The following SPICE1 variants were observed in gnomAD, a reference collection of about 807,000 sequenced individuals.
SPICE1 encodes the protein spindle and centriole associated protein 1.
Under a neutral mutation model 102.7 loss-of-function variants are expected in SPICE1, and 75 were observed. The ratio of observed to expected loss-of-function variants is 0.73; its 90% CI spans 0.61 to 0.88. The LOEUF is 0.88. Ranked by LOEUF, SPICE1 falls within the 40% of genes least tolerant of loss-of-function variation. SPICE1 has a pLI of 0.00. For synonymous variants in SPICE1, 308 were observed against 350.3 expected, an observed-to-expected ratio of 0.88 and a Z score of 1.35; for missense variants, 979 against 1,020.1, an observed-to-expected ratio of 0.96 and a Z score of 0.55.
chr3:113,469,156 A>G lies in SPICE1; in HGVS notation c.694T>C (p.Ser232Pro), dbSNP rs1168175376. The change falls in exon 8 of 18, where the codon TCA becomes CCA. Residue 232 changes from serine (S) to proline (P), a missense_variant. Coordinates refer to ENST00000295872, the MANE Select transcript of SPICE1 (RefSeq NM_144718.4). ...GGCGTTCCTGGAGGAGTTATTTGTG[A>G]CTGGGTTGCTATTTTCTGCTGAATG... ...TDIQQKIATQ[S>P]QITPPGTPSS... 6.2e-7 allele frequency: 1 copy of G among 1,613,538 alleles called. No individual in the cohort carries two copies. The highest frequency in any genetic ancestry group is 8.5e-7 in the Non-Finnish European group (1 of 1,179,720).
At position 113,506,566 on chromosome 3, in the gene SPICE1, C is replaced by T. The variant is rs775207102; in HGVS notation, c.40G>A (p.Gly14Ser). 3 of 1,613,010 alleles carry T rather than the reference C, an allele frequency of 1.9e-6. No individual in the cohort carries two copies. The highest frequency in any genetic ancestry group is 4.5e-5 in the East Asian group (2 of 44,874). ...VRVNRCGPRV[G>S]VRKTPKVKKK... The stretch of plus-strand genomic sequence containing the variant: ...TTTACTTTCGGTGTCTTTCTTACAC[C>T]AACTCGGGGACCACAGCGGTTCACT... Residue 14 changes from glycine to serine, a missense_variant, in exon 2 of 18, where the codon GGT becomes AGT. Transcript: ENST00000295872.
chr3:113,488,073 C>T (rs6438155), intron 7 of SPICE1, among the ~76,000 whole-genome samples: 152,335 of 152,340 alleles, frequency 1, 76,165 homozygotes, highest in Middle Eastern at 1. Context: ...TAAGTGATTA[C>T]GATTAGTTCT....
chr3:113,450,058 T>C (rs1448075937), intron 15 of SPICE1: 2 of 429,514 alleles, frequency 4.7e-6, no homozygotes, highest in Non-Finnish European at 8.5e-6. Flanking sequence ...AAGTGAACCG[T>C]ACACTATAAT....
Position 113,468,821 on chromosome 3 carries a change from G to A in SPICE1, c.830C>T (p.Ser277Leu). The change falls in exon 9 of 18, where the codon TCA becomes TTA. Residue 277 changes from serine (S) to leucine (L), a missense_variant. By Grantham distance (145) the Ser-to-Leu change is moderately radical. Transcript: ENST00000295872. ...CAGCACGTGTCCCACAACGTAGCTT[G>A]AGTCTAGAGTCTCAGTAGATTCTTC... ...QPEESTETLD[S>L]SYVVGHVLNS... 6.2e-7 allele frequency: 1 copy of A among 1,614,150 alleles called. No homozygotes were observed. The highest frequency in any genetic ancestry group is 8.5e-7 in the Non-Finnish European group (1 of 1,180,018).
At chr3:113,488,290 T>C (rs1435974349) in intron 7 of SPICE1, among the ~76,000 whole-genome samples, 1 of 152,142 alleles carries the variant, frequency 6.6e-6, no homozygotes, top group Non-Finnish European at 1.5e-5. Context: ...GCAACTTACT[T>C]CCTAATAGTT....
At chr3:113,468,456 G>A in intron 9 of SPICE1, 52 bp from the exon 10 acceptor site, 1 of 1,558,002 alleles carries the variant, frequency 6.4e-7, no homozygotes, top group South Asian at 1.2e-5. Flanking sequence ...ATTATGACTA[G>A]AAAACTACTA....
Position 113,457,322 on chromosome 3 carries a change from A to G in SPICE1, c.1471T>C (p.Leu491=). 3 of 1,614,216 alleles carry G rather than the reference A, an allele frequency of 1.9e-6. No individual in the cohort carries two copies. The highest frequency in any genetic ancestry group is 2.5e-6 in the Non-Finnish European group (3 of 1,180,036). Residue 491 remains leucine, a synonymous_variant, in exon 13 of 18, where the codon TTG becomes CTG. Transcript: ENST00000295872. The part of the protein sequence containing the change: ...PVVNANVSVP[L]MFREEVAEFP... ...TCAGCCACTTCCTCTCTGAACATCA[A>G]TGGCACTGAGACATTGGCATTTACA...
chr3:113,482,591 G>A (rs1425030877), intron 7 of SPICE1, among the ~76,000 whole-genome samples: 2 of 152,170 alleles, frequency 1.3e-5, no homozygotes, highest in African/African-American at 4.8e-5. Context: ...TTTGTATAAG[G>A]TGTAAGGAAG....
rs542335019 is a variant in SPICE1 at position 113,468,773 on chromosome 3, A to G, written c.878T>C (p.Leu293Pro). The G allele has an allele frequency of 1.2e-6, 2 of 1,612,712 alleles. No individual in the cohort carries two copies. Among genetic ancestry groups the G allele is most frequent in the African/African-American group, 2.7e-5 (2 of 74,964 alleles). Residue 293 changes from leucine to proline, a missense_variant, in exon 9 of 18, where the codon CTG (leucine) becomes CCG (proline). Transcript: ENST00000295872. Reference protein sequence around the residue: ...HVLNSRKQKQLLNKVKRKPNL... With the variant: ...HVLNSRKQKQPLNKVKRKPNL... ...TTAAGGGACTGAACCTTTATTTAAC[A>G]GCTGTTTTTGCTTCCTTGAGTTCAG...
intron 1 of SPICE1, among the ~76,000 whole-genome samples, chr3:113,512,293 C>A (rs1177141713): frequency 1.3e-5 from 2 of 152,156 alleles, no homozygotes; most frequent in Non-Finnish European, 2.9e-5. Flanking sequence ...CTCTTGCCAT[C>A]CAGCTTCATG....
chr3:113,510,581 C>T (rs115775814), intron 1 of SPICE1, among the ~76,000 whole-genome samples: 4,319 of 152,182 alleles, frequency 0.028, 105 homozygotes, highest in East Asian at 0.081. Context: ...AAAATTGAAA[C>T]GGGACCCCTT....
chr3:113,457,498 G>A (rs1313783793), intron 12 of SPICE1, 141 bp from the exon 13 acceptor site: 1 of 780,170 alleles, frequency 1.3e-6, no homozygotes, highest in Admixed American at 2.7e-5. Context: ...TCACTTTCTA[G>A]GCTGTATCCT....
At chr3:113,462,648 T>C (rs919512606) in intron 11 of SPICE1, among the ~76,000 whole-genome samples, 10 of 152,204 alleles carry the variant, frequency 6.6e-5, no homozygotes, top group African/African-American at 2.4e-4. Context: ...GTATTACTTT[T>C]TCTCAAACAG....
At chr3:113,484,850 G>A (rs145531696) in intron 7 of SPICE1, among the ~76,000 whole-genome samples, 6,458 of 152,108 alleles carry the variant, frequency 0.042, 165 homozygotes, top group East Asian at 0.1. Context: ...GTTGATTTGG[G>A]GTGGAGAGTT....
In SPICE1 at chr3:113,506,529, G is replaced by A. The variant is rs748190985; in HGVS notation, c.77C>T (p.Thr26Ile). The A allele has an allele frequency of 3.7e-6, 6 of 1,613,278 alleles. No individual in the cohort carries two copies. Among genetic ancestry groups the A allele is most frequent in the South Asian group, 1.1e-5 (1 of 91,020 alleles). ...RKTPKVKKKK[T>I]SVKQEWDNTV... Reference sequence around the variant, plus strand: ...CACATCCCATTCTTGTTTCACTGAAGTTTTCTTCTTCTTTACTTTCGGTGT... The same window carrying A: ...CACATCCCATTCTTGTTTCACTGAAATTTTCTTCTTCTTTACTTTCGGTGT... The change falls in exon 2 of 18, where the codon ACT becomes ATT. Residue 26 changes from threonine (T) to isoleucine (I), a missense_variant. Transcript: ENST00000295872.
rs1383825863 is a variant in SPICE1, at chr3:113,477,202, C to T, written c.612-7964G>A. 7.9e-5 allele frequency among the ~76,000 whole-genome samples: 12 copies of T among 152,284 alleles called. 1 individual carries two copies. The highest frequency in any genetic ancestry group is 7.8e-4 in the Admixed American group (12 of 15,300). ...ATGAAAAAATGCTCACCATCACTGGCCATCAGAGAAATGCAAATCAAAACC... is the reference window on the plus strand; with the variant it reads ...ATGAAAAAATGCTCACCATCACTGGTCATCAGAGAAATGCAAATCAAAACC... On this transcript the variant is annotated intron_variant, in intron 7 of 17. Coordinates refer to ENST00000295872, the MANE Select transcript of SPICE1 (RefSeq NM_144718.4).
chr3:113,514,906 C>CA lies in SPICE1; in HGVS notation c.-11dup. On this transcript the variant is annotated 5_prime_UTR_variant, in exon 1 of 18. Transcript: ENST00000295872. The stretch of plus-strand genomic sequence containing the variant: ...GCACCCTGACACGTACTTGCACTCT[C>CA]AAAACACAGAGCCGCGGCTGCGCTT... The CA allele has an allele frequency of 5.2e-6, 6 of 1,164,462 alleles. No homozygotes were observed. Among genetic ancestry groups the CA allele is most frequent in the Non-Finnish European group, 6.5e-6 (6 of 923,740 alleles). The allele number at this position is 1,164,462 out of a possible 1,614,324, so 72.1% of individuals were successfully genotyped here.
At chr3:113,448,566 T>C (rs1282935915) in intron 15 of SPICE1, among the ~76,000 whole-genome samples, 1 of 152,198 alleles carries the variant, frequency 6.6e-6, no homozygotes, top group Non-Finnish European at 1.5e-5. Flanking sequence ...TGACTATTAC[T>C]GAAGACATTA....
intron 2 of SPICE1, among the ~76,000 whole-genome samples, chr3:113,504,471 G>C (rs536493050): frequency 6.7e-6 from 1 of 149,620 alleles, no homozygotes; most frequent in African/African-American, 2.5e-5. Context: ...TGCGCTTGTA[G>C]TCTCAGCTAC....
Sources: gnomAD v4.1 joint callset for allele counts (sites outside exome capture counted in the v4.1 genomes callset) on GRCh38, gnomAD v4.1.1 for gene constraint, MANE v1.5 for transcripts, NCBI Gene and HGNC (gene_info 2026-07-23, HGNC 2026-07-21) for gene names.